Variants in SLC5A11 observed in about 807,000 individuals in gnomAD.
SLC5A11 encodes solute carrier family 5 member 11.
Under a neutral mutation model 69.8 loss-of-function variants are expected in SLC5A11, and 48 were observed. That is an observed-to-expected ratio of 0.69 (90% CI 0.55 to 0.87). SLC5A11 has a LOEUF of 0.87. SLC5A11 is among the 40% of genes least tolerant of loss of function. The pLI, the probability that SLC5A11 is intolerant of heterozygous loss-of-function variation, is 0.00. For missense variants in SLC5A11, 784 were observed against 866.1 expected (o/e 0.91, Z 1.19); for synonymous variants, 319 against 342.4 (o/e 0.93, Z 0.75).
chr16:24,899,012 C>T (rs893538236), intron 10 of SLC5A11, among the ~76,000 whole-genome samples: 2 of 151,900 alleles, frequency 1.3e-5, no homozygotes, highest in African/African-American at 4.8e-5. Flanking sequence ...AAGACAGGGT[C>T]TCACTATGTT....
chr16:24,909,508 C>A (rs770388748), intron 14 of SLC5A11, among the ~76,000 whole-genome samples: 1 of 151,790 alleles, frequency 6.6e-6, no homozygotes, highest in Non-Finnish European at 1.5e-5. Flanking sequence ...GGCGTGATGG[C>A]TCATGCCTGT....
chr16:24,883,543 G>A (rs868787200), intron 7 of SLC5A11, among the ~76,000 whole-genome samples: 4 of 152,144 alleles, frequency 2.6e-5, no homozygotes, highest in South Asian at 2.1e-4. Flanking sequence ...TTCCTGGGTG[G>A]ATATTTGCTA....
chr16:24,878,310 A>G (rs1027577742), intron 7 of SLC5A11, among the ~76,000 whole-genome samples: 26 of 152,348 alleles, frequency 1.7e-4, no homozygotes, highest in Middle Eastern at 3.4e-3. Context: ...AACTACTGCA[A>G]TCCTGGAGCC....
intron 8 of SLC5A11, 116 bp from the exon 10 acceptor site, chr16:24,890,753 T>G (rs985594502): frequency 9.7e-6 from 9 of 929,004 alleles, no homozygotes; most frequent in Non-Finnish European, 1.4e-5. Context: ...CTTAAGGGGA[T>G]TAACATTTTT....
At chr16:24,848,146 A>G (rs980262519) in intron 1 of SLC5A11, among the ~76,000 whole-genome samples, 7 of 152,208 alleles carry the variant, frequency 4.6e-5, no homozygotes, top group African/African-American at 1.7e-4. Flanking sequence ...AGAATGGCAA[A>G]GACCCTGAGG....
At chr16:24,855,820 C>T (rs74015724) in intron 1 of SLC5A11, among the ~76,000 whole-genome samples, 3,220 of 152,228 alleles carry the variant, frequency 0.021, 78 homozygotes, top group African/African-American at 0.058. Flanking sequence ...GCTGACAGCT[C>T]GATCTTGGAC....
Position 24,911,083 on chromosome 16 carries a change from C to T in SLC5A11, c.1823-245C>T, listed in dbSNP as rs542657827. ...ACTTGGGAGGCTGAGGCAGGAGAATCGCTTGAACCTGGGAGGTGGAGGTTG... is the reference window on the plus strand; with the variant it reads ...ACTTGGGAGGCTGAGGCAGGAGAATTGCTTGAACCTGGGAGGTGGAGGTTG... On this transcript the variant is annotated intron_variant, in intron 15 of 15. Transcript: ENST00000347898. Among the ~76,000 whole-genome samples, 9 of 149,128 alleles carry T rather than the reference C, an allele frequency of 6.0e-5. No individual in the cohort carries two copies. In the South Asian group the frequency reaches 1.7e-3, roughly 28 times the overall value.
intron 8 of SLC5A11, among the ~76,000 whole-genome samples, chr16:24,886,388 A>G (rs2048400356): frequency 8.0e-6 from 1 of 125,344 alleles, no homozygotes; most frequent in African/African-American, 2.5e-5. Context: ...TAATAAAATT[A>G]TAAAAGAAAA....
At chr16:24,851,880 A>AT (rs1193972415) in intron 1 of SLC5A11, among the ~76,000 whole-genome samples, 2 of 152,086 alleles carry the variant, frequency 1.3e-5, no homozygotes, top group Non-Finnish European at 2.9e-5. Flanking sequence ...TTATCACGAC[A>AT]TATCTATTTC....
At chr16:24,908,595 CA>C (rs764700253) in intron 13 of SLC5A11, among the ~76,000 whole-genome samples, 76 of 70,602 alleles carry the variant, frequency 1.1e-3, no homozygotes, top group Middle Eastern at 8.1e-3. Context: ...GAGACTGTCT[CA>C]AAAAAAAAAA....
intron 10 of SLC5A11, among the ~76,000 whole-genome samples, chr16:24,902,489 G>A (rs902864680): frequency 5.3e-5 from 8 of 151,576 alleles, no homozygotes; most frequent in Non-Finnish European, 1.0e-4. Context: ...TTGATATATG[G>A]AAGATCAATA....
intron 9 of SLC5A11, among the ~76,000 whole-genome samples, chr16:24,897,234 G>A (rs758632461): frequency 2.0e-5 from 3 of 152,078 alleles, no homozygotes; most frequent in Non-Finnish European, 2.9e-5. Flanking sequence ...GATTACAAGC[G>A]TGAGCCATTG....
At chr16:24,905,640 GCACACA>G (rs56335988) in intron 10 of SLC5A11, among the ~76,000 whole-genome samples, 12,743 of 136,470 alleles carry the variant, frequency 0.093, 665 homozygotes, top group Middle Eastern at 0.14. Context: ...GCGCGCGCGC[GCACACA>G]CACACACACA....
At chr16:24,886,410 T>C (rs1176801474) in intron 8 of SLC5A11, among the ~76,000 whole-genome samples, 1 of 151,982 alleles carries the variant, frequency 6.6e-6, no homozygotes, top group Non-Finnish European at 1.5e-5. Context: ...ATGACAAATA[T>C]AGAAGATAGA....
rs1367752095 is a variant in SLC5A11 at position 24,858,798 on chromosome 16, G to T, written c.135+20G>T. ...CTATGGGTAAGCCAGGCCACTGGGG[G>T]ATGGGGGATGAAGAGAGAAGGAAAT... On this transcript the variant is annotated intron_variant, in intron 2 of 15. Coordinates refer to ENST00000347898, the Ensembl canonical transcript of SLC5A11. The T allele has an allele frequency of 5.0e-6, 8 of 1,604,264 alleles. No individual in the cohort carries two copies. Among genetic ancestry groups the T allele is most frequent in the African/African-American group, 2.7e-5 (2 of 74,818 alleles).
chr16:24,897,322 C>T (rs2049253893), intron 9 of SLC5A11, among the ~76,000 whole-genome samples: 1 of 152,028 alleles, frequency 6.6e-6, no homozygotes, highest in Non-Finnish European at 1.5e-5. Context: ...ACATGCTTTT[C>T]CTTCATGGAT....
At chr16:24,897,127 A>AT (rs1032988614) in intron 9 of SLC5A11, among the ~76,000 whole-genome samples, 8 of 151,044 alleles carry the variant, frequency 5.3e-5, no homozygotes, top group Non-Finnish European at 1.2e-4. Context: ...TAATTTTTGT[A>AT]TTTTTTTATA....
chr16:24,864,268 G>A (rs1421514014), intron 3 of SLC5A11, among the ~76,000 whole-genome samples: 3 of 152,158 alleles, frequency 2.0e-5, no homozygotes, highest in Non-Finnish European at 4.4e-5. Context: ...AGCAGGAAGT[G>A]AAGGCTAAGG....
exon 1 of SLC5A11, chr16:24,846,210 C>G (rs2059007013): frequency 6.6e-6 from 1 of 152,496 alleles, no homozygotes; most frequent in Non-Finnish European, 1.5e-5. Context: ...ATCATTCACG[C>G]TTCCTTTAAT....
Sources: gnomAD v4.1 joint callset for allele counts (sites outside exome capture counted in the v4.1 genomes callset) on GRCh38, gnomAD v4.1.1 for gene constraint, MANE v1.5 for transcripts, NCBI Gene and HGNC (gene_info 2026-07-23, HGNC 2026-07-21) for gene names.